Variants in PDE4DIP observed in about 807,000 individuals in gnomAD.
PDE4DIP encodes myomegalin.
Under a neutral mutation model 221.4 loss-of-function variants are expected in PDE4DIP, and 59 were observed. That is an observed-to-expected ratio of 0.27 (90% CI 0.22 to 0.33). The LOEUF is 0.33. Ranked by LOEUF, PDE4DIP falls within the 10% of genes least tolerant of loss-of-function variation. The pLI is 1.00. For synonymous variants in PDE4DIP, 404 were observed against 815.9 expected, an observed-to-expected ratio of 0.50 and a Z score of 8.60; for missense variants, 1,036 against 2,154.2, an observed-to-expected ratio of 0.48 and a Z score of 10.28.
chr1:148,933,064 A>G (rs1333134916), intron 4 of PDE4DIP, among the ~76,000 whole-genome samples: 1 of 152,146 alleles, frequency 6.6e-6, no homozygotes, highest in Non-Finnish European at 1.5e-5. Context: ...TGAGAAATAC[A>G]TTTCCGTTGT....
At chr1:149,019,623 CAGTA>C (rs1225453671) in intron 35 of PDE4DIP, 1 of 152,616 alleles carries the variant, frequency 6.6e-6, no homozygotes, top group African/African-American at 2.4e-5. Context: ...GGTGAGAAGA[CAGTA>C]AGAGATTTAA....
At chr1:148,962,862 A>G (rs2151726297) in intron 9 of PDE4DIP, among the ~76,000 whole-genome samples, 1 of 150,616 alleles carries the variant, frequency 6.6e-6, no homozygotes, top group African/African-American at 2.4e-5. Flanking sequence ...CAGACAAAAA[A>G]CATTAAGATA....
chr1:148,900,098 CA>C, intron 1 of PDE4DIP, among the ~76,000 whole-genome samples: 3 of 38,830 alleles, frequency 7.7e-5, no homozygotes, highest in Non-Finnish European at 9.7e-5. Flanking sequence ...AGGATTGACG[CA>C]CACATCCCTC....
intron 32 of PDE4DIP, among the ~76,000 whole-genome samples, chr1:149,013,091 G>A (rs2069131469): frequency 6.6e-6 from 1 of 152,216 alleles, no homozygotes; most frequent in Non-Finnish European, 1.5e-5. Flanking sequence ...TTGGTTGGGG[G>A]TGGGAGAGAG....
intron 1 of PDE4DIP, chr1:148,915,866 G>A (rs1316074054): frequency 6.1e-6 from 1 of 162,708 alleles, no homozygotes; most frequent in Non-Finnish European, 1.3e-5. Flanking sequence ...GCTGACTCCT[G>A]TTAAGTACAG....
chr1:149,018,063 T>G (rs1575459402), intron 34 of PDE4DIP, among the ~76,000 whole-genome samples, 184 bp downstream of exon 37: 1 of 152,218 alleles, frequency 6.6e-6, no homozygotes, highest in Non-Finnish European at 1.5e-5. Context: ...AAGGCAGAAC[T>G]ACGTCTGATG....
chr1:148,992,432 G>A (rs1553560818), intron 22 of PDE4DIP: 1 of 1,427,898 alleles, frequency 7.0e-7, no homozygotes, highest in East Asian at 2.6e-5. Context: ...TCCAAAGCAA[G>A]AATCTTTCTC....
chr1:149,029,324 A>G (rs2076046294), intron 41 of PDE4DIP, among the ~76,000 whole-genome samples: 1 of 152,134 alleles, frequency 6.6e-6, no homozygotes, highest in Non-Finnish European at 1.5e-5. Context: ...TTTGGATCCA[A>G]CTATGCTAAT....
intron 30 of PDE4DIP, 39 bp from the exon 34 acceptor site, chr1:149,010,404 A>G: frequency 6.2e-7 from 1 of 1,601,314 alleles, no homozygotes; most frequent in Non-Finnish European, 8.6e-7. Context: ...AGTTCTCTGT[A>G]GAACATCATA....
At chr1:148,923,862 C>T (rs1352891671) in intron 1 of PDE4DIP, among the ~76,000 whole-genome samples, 4 of 146,632 alleles carry the variant, frequency 2.7e-5, no homozygotes, top group African/African-American at 1.0e-4. Flanking sequence ...TTTGCAAACC[C>T]TATTTTATAA....
exon 44 of PDE4DIP, chr1:149,032,504 C>T (rs1254384763): frequency 6.0e-6 from 2 of 336,016 alleles, no homozygotes; most frequent in Non-Finnish European, 1.1e-5. Flanking sequence ...ACTCACAGAT[C>T]CACACCTGAC....
intron 5 of PDE4DIP, among the ~76,000 whole-genome samples, chr1:148,954,906 C>T (rs1360679496): frequency 2.0e-5 from 3 of 152,226 alleles, no homozygotes; most frequent in Non-Finnish European, 2.9e-5. Flanking sequence ...TACTGGTCAA[C>T]GTCATTCCAG....
intron 21 of PDE4DIP, among the ~76,000 whole-genome samples, chr1:148,987,480 G>A (rs2062118005): frequency 1.3e-5 from 2 of 152,176 alleles, no homozygotes; most frequent in Non-Finnish European, 2.9e-5. Context: ...ACGCATGGCA[G>A]TGTACCTGGG....
At chr1:148,818,035 T>C (rs1173479107) in intron 1 of PDE4DIP, among the ~76,000 whole-genome samples, 2 of 149,840 alleles carry the variant, frequency 1.3e-5, no homozygotes, top group Admixed American at 6.6e-5. Flanking sequence ...CAGGGTGGTC[T>C]CAAACTTCTG....
chr1:149,008,644 C>T lies in PDE4DIP; in HGVS notation c.4703+149C>T, dbSNP rs371001668. On this transcript the variant is annotated intron_variant, in intron 29 of 43. Transcript: ENST00000369354. Reference sequence around the variant, plus strand: ...TTGAACACCTCACTGTTGTTTTTAACTAAATTCTTTCTTCCCTTTTGGTTG... The same window carrying T: ...TTGAACACCTCACTGTTGTTTTTAATTAAATTCTTTCTTCCCTTTTGGTTG... The T allele has an allele frequency of 2.8e-4, 141 of 510,610 alleles. 2 individuals are homozygous for T. Among genetic ancestry groups the T allele is most frequent in the African/African-American group, 2.5e-3 (128 of 51,274 alleles). The allele number at this position is 510,610 out of a possible 1,614,324, so 31.6% of individuals were successfully genotyped here. A position where few individuals can be genotyped will look rare whatever the true frequency, so the allele number is the denominator to read the frequency against.
At chr1:148,988,155 G>A (rs12124527) in intron 21 of PDE4DIP, among the ~76,000 whole-genome samples, 96,332 of 151,932 alleles carry the variant, frequency 0.63, 31,685 homozygotes, top group African/African-American at 0.83. Context: ...GGTAGAATCA[G>A]TCAAGATCAT....
At chr1:148,937,497 A>G (rs1427489279) in intron 4 of PDE4DIP, among the ~76,000 whole-genome samples, 10 of 152,196 alleles carry the variant, frequency 6.6e-5, no homozygotes, top group Non-Finnish European at 1.3e-4. Flanking sequence ...CTATGGTCTA[A>G]AGATCCATGG....
At chr1:148,992,362 C>T (rs2063308571) in intron 22 of PDE4DIP, 22 of 1,533,238 alleles carry the variant, frequency 1.4e-5, no homozygotes, top group South Asian at 1.4e-4. Context: ...AAGGGCTGCT[C>T]GGGGAGGTGG....
rs2066050773 is a variant in PDE4DIP, at chr1:149,003,065, TA to T, written c.3766+26del. ...TTAGTAAGTAACTATGACTTACTAGTAAAGAAAACTAGCCTATATGTCTTAT... is the reference window on the plus strand; with the variant it reads ...TTAGTAAGTAACTATGACTTACTAGTAAGAAAACTAGCCTATATGTCTTAT... On this transcript the variant is annotated intron_variant, in intron 25 of 43. Coordinates refer to ENST00000369354, the Ensembl canonical transcript of PDE4DIP. 4 of 1,191,516 alleles carry T rather than the reference TA, an allele frequency of 3.4e-6. No homozygotes were observed. The African/African-American group carries it at 4.5e-5, about 14-fold the overall frequency. 73.8% of individuals were successfully genotyped at this position (1,191,516 alleles called of 1,614,324 possible).
Sources: allele counts gnomAD v4.1 joint callset (sites outside exome capture counted in the v4.1 genomes callset), GRCh38; gene constraint gnomAD v4.1.1; transcripts MANE v1.5; gene names NCBI Gene and HGNC (gene_info 2026-07-23, HGNC 2026-07-21).